The following BTBD9 variants were observed in gnomAD, a reference collection of about 807,000 sequenced individuals.
BTBD9 encodes BTB domain containing 9, also known as BTB/POZ domain-containing protein 9.
BTBD9 carries 49 observed loss-of-function variants against 64.3 expected under a neutral mutation model. The ratio of observed to expected loss-of-function variants is 0.76; its 90% CI spans 0.61 to 0.97. The LOEUF (loss-of-function observed/expected upper bound fraction) is 0.97, where lower values mean the gene tolerates loss of function less well. Among genes scored for constraint, BTBD9 ranks in the 50% least tolerant of loss-of-function variants. The pLI is 0.00. For missense variants in BTBD9, 598 were observed against 762.1 expected (o/e 0.78, Z 2.53); for synonymous variants, 260 against 274.7 (o/e 0.95, Z 0.53).
At chr6:38,541,411 A>G (rs1283645159) in intron 6 of BTBD9, among the ~76,000 whole-genome samples, 1 of 152,222 alleles carries the variant, frequency 6.6e-6, no homozygotes. Flanking sequence ...AGGGAATTTT[A>G]TAACTGGAAC....
At chr6:38,587,844 T>C in intron 4 of BTBD9, 2 of 718,996 alleles carry the variant, frequency 2.8e-6, no homozygotes, top group Middle Eastern at 2.5e-4. Context: ...TTGACCCTTT[T>C]AAAAAACCAA....
intron 4 of BTBD9, among the ~76,000 whole-genome samples, chr6:38,589,973 G>A (rs1582682597): frequency 6.6e-6 from 1 of 152,062 alleles, no homozygotes; most frequent in Admixed American, 6.5e-5. Flanking sequence ...CTATACTCTA[G>A]CAGCTCAGGT....
At chr6:38,403,334 T>C (rs1333874311) in intron 6 of BTBD9, among the ~76,000 whole-genome samples, 1 of 151,150 alleles carries the variant, frequency 6.6e-6, no homozygotes, top group Non-Finnish European at 1.5e-5. Flanking sequence ...TATACATATG[T>C]ATATCTTAAA....
intron 10 of BTBD9, among the ~76,000 whole-genome samples, chr6:38,182,396 GT>G (rs1761598892): frequency 6.6e-6 from 1 of 152,166 alleles, no homozygotes; most frequent in Admixed American, 6.5e-5. Flanking sequence ...AGTGGTAGAG[GT>G]ATCTTTTAGT....
At chr6:38,535,879 A>C (rs1774001450) in intron 6 of BTBD9, among the ~76,000 whole-genome samples, 2 of 152,136 alleles carry the variant, frequency 1.3e-5, no homozygotes, top group South Asian at 4.1e-4. Flanking sequence ...TACTATCTCA[A>C]ACTATGAAAC....
rs189190750 is a variant in BTBD9, at chr6:38,299,052, T to C, written c.1265-10591A>G. Reference sequence around the variant, plus strand: ...CCCCAGTGTGTGATGTTCCCCTTCCTGTGTCCATGTGTTCTCATTGTTCAG... The same window carrying C: ...CCCCAGTGTGTGATGTTCCCCTTCCCGTGTCCATGTGTTCTCATTGTTCAG... On this transcript the variant is annotated intron_variant, in intron 7 of 10. Transcript: ENST00000481247. Among the ~76,000 whole-genome samples the C allele has an allele frequency of 1.9e-3, 287 of 152,294 alleles. 1 individual carries two copies. Among genetic ancestry groups the C allele is most frequent in the Non-Finnish European group, 3.1e-3 (214 of 68,028 alleles).
intron 6 of BTBD9, among the ~76,000 whole-genome samples, chr6:38,497,039 C>T (rs940633424): frequency 1.3e-5 from 2 of 152,138 alleles, no homozygotes; most frequent in South Asian, 2.1e-4. Flanking sequence ...ATGGGAAATA[C>T]CTTTTTCTCA....
intron 6 of BTBD9, among the ~76,000 whole-genome samples, chr6:38,571,286 T>C (rs1260890745): frequency 6.6e-6 from 1 of 152,176 alleles, no homozygotes; most frequent in Non-Finnish European, 1.5e-5. Flanking sequence ...GATACATCAA[T>C]GCCCAGTTAT....
intron 1 of BTBD9, among the ~76,000 whole-genome samples, chr6:38,603,541 A>G (rs907586448): frequency 1.3e-5 from 2 of 152,248 alleles, no homozygotes; most frequent in Non-Finnish European, 2.9e-5. Context: ...CCAAACATCA[A>G]TTTCTTTACT....
At chr6:38,267,456 G>C (rs886479434) in intron 8 of BTBD9, among the ~76,000 whole-genome samples, 7 of 152,214 alleles carry the variant, frequency 4.6e-5, no homozygotes, top group Admixed American at 1.3e-4. Flanking sequence ...AGGTAGGGGA[G>C]TAGAGTCACC....
At chr6:38,297,469 T>TAC (rs1762201782) in intron 7 of BTBD9, among the ~76,000 whole-genome samples, 1 of 152,254 alleles carries the variant, frequency 6.6e-6, no homozygotes, top group African/African-American at 2.4e-5. Context: ...CATCATCATG[T>TAC]ACATCATCTT....
At chr6:38,588,739 T>C (rs1350045315) in intron 4 of BTBD9, among the ~76,000 whole-genome samples, 4 of 152,230 alleles carry the variant, frequency 2.6e-5, no homozygotes, top group Non-Finnish European at 4.4e-5. Context: ...AGCAACTTCT[T>C]AGTTATTTTG....
intron 4 of BTBD9, among the ~76,000 whole-genome samples, chr6:38,582,598 T>A (rs997511477): frequency 6.6e-6 from 1 of 152,126 alleles, no homozygotes; most frequent in Non-Finnish European, 1.5e-5. Context: ...CCATACCTTC[T>A]CCCTCTTTCT....
chr6:38,432,675 C>T (rs948144722), intron 6 of BTBD9, among the ~76,000 whole-genome samples: 1 of 151,950 alleles, frequency 6.6e-6, no homozygotes, highest in African/African-American at 2.4e-5. Context: ...CCACTGACCT[C>T]ATGACTAATG....
intron 7 of BTBD9, among the ~76,000 whole-genome samples, chr6:38,324,479 A>C (rs928026239): frequency 3.3e-5 from 5 of 152,174 alleles, no homozygotes; most frequent in African/African-American, 1.2e-4. Context: ...CTATTAGATT[A>C]TTCTGACTGA....
intron 6 of BTBD9, among the ~76,000 whole-genome samples, chr6:38,524,087 T>C (rs1467126944): frequency 6.6e-6 from 1 of 152,162 alleles, no homozygotes; most frequent in Non-Finnish European, 1.5e-5. Context: ...GAGGGTGAAC[T>C]TTTAATTATT....
At chr6:38,372,665 T>G (rs1379742016) in intron 6 of BTBD9, among the ~76,000 whole-genome samples, 1 of 152,196 alleles carries the variant, frequency 6.6e-6, no homozygotes, top group African/African-American at 2.4e-5. Flanking sequence ...ACCCATCTGG[T>G]GCTAGAAGGT....
chr6:38,535,797 A>G (rs1342834693), intron 6 of BTBD9, among the ~76,000 whole-genome samples: 1 of 152,072 alleles, frequency 6.6e-6, no homozygotes, highest in Non-Finnish European at 1.5e-5. Context: ...GGAAAACTGG[A>G]TATCCATATG....
chr6:38,479,365 G>C (rs1771028537), intron 6 of BTBD9, among the ~76,000 whole-genome samples: 1 of 151,066 alleles, frequency 6.6e-6, no homozygotes, highest in Non-Finnish European at 1.5e-5. Flanking sequence ...AAAATTGAAA[G>C]ATAGAAAGGA....
Sources: gnomAD v4.1 joint callset for allele counts (sites outside exome capture counted in the v4.1 genomes callset) on GRCh38, gnomAD v4.1.1 for gene constraint, MANE v1.5 for transcripts, NCBI Gene and HGNC (gene_info 2026-07-23, HGNC 2026-07-21) for gene names.